PSMC1: variants seen among roughly 807,000 people sequenced by gnomAD.
PSMC1 encodes 26S proteasome regulatory subunit 4.
Under a neutral mutation model 49.8 loss-of-function variants are expected in PSMC1, and 5 were observed. The observed-to-expected ratio is 0.10, with a 90% CI of 0.05 to 0.21. The LOEUF (loss-of-function observed/expected upper bound fraction) is 0.21, where lower values mean the gene tolerates loss of function less well. PSMC1 is among the 10% of genes least tolerant of loss of function. PSMC1 has a pLI of 1.00. For synonymous variants in PSMC1, 155 were observed against 192.1 expected (o/e 0.81, Z 1.60); for missense variants, 181 against 535.7 (o/e 0.34, Z 6.54).
chr14:90,259,137 T>C, intron 1 of PSMC1, 23 bp from the exon 2 acceptor site: 2 of 1,612,860 alleles, frequency 1.2e-6, no homozygotes, highest in Non-Finnish European at 1.7e-6. Flanking sequence ...AATTTACATC[T>C]GTGCCTGATT....
chr14:90,270,588 GCTGGT>G, intron 10 of PSMC1: 2 of 432,608 alleles, frequency 4.6e-6, no homozygotes, highest in South Asian at 4.5e-5. Flanking sequence ...AGGCTGAGTC[GCTGGT>G]ACTAAGCCTT....
chr14:90,270,534 C>T (rs1239347444), intron 10 of PSMC1, 182 bp downstream of exon 10: 6 of 656,270 alleles, frequency 9.1e-6, no homozygotes, highest in African/African-American at 1.8e-5. Flanking sequence ...ATTCTTAATG[C>T]ATCATTTTAT....
At chr14:90,262,573 A>T (rs1891420731) in intron 3 of PSMC1, among the ~76,000 whole-genome samples, 2 of 152,122 alleles carry the variant, frequency 1.3e-5, no homozygotes, top group Non-Finnish European at 1.5e-5. Flanking sequence ...TCACGAGGTC[A>T]GGAGATTGGG....
rs1891450817 is a variant in PSMC1 at position 90,263,770 on chromosome 14, G to C, written c.388G>C (p.Glu130Gln). 6.2e-7 allele frequency: 1 copy of C among 1,613,718 alleles called. No individual in the cohort carries two copies. The highest frequency in any genetic ancestry group is 8.5e-7 in the Non-Finnish European group (1 of 1,179,680). ...CATCGTGTCTACATCTGTGGGCTCA[G>C]AACACTACGTCAGCATTCTTTCATT... ...HAIVSTSVGSEHYVSILSFVD... is the reference protein window; with the variant it reads ...HAIVSTSVGSQHYVSILSFVD... Residue 130 changes from glutamate to glutamine, a missense_variant, in exon 5 of 11, where the codon GAA becomes CAA. This residue lies in a region of PSMC1 where 121 missense variants were observed against 358.6 expected (regional missense o/e 0.34). Coordinates refer to ENST00000261303, the MANE Select transcript of PSMC1 (RefSeq NM_002802.3).
intron 8 of PSMC1, 198 bp downstream of exon 8, chr14:90,268,611 G>C: frequency 1.8e-6 from 1 of 558,686 alleles, no homozygotes; most frequent in Admixed American, 3.4e-5. Context: ...TGGAGAGATT[G>C]GTCAGTTATG....
chr14:90,259,343 G>A, intron 2 of PSMC1, 130 bp downstream of exon 2: 1 of 721,974 alleles, frequency 1.4e-6, no homozygotes, highest in Non-Finnish European at 2.2e-6. Context: ...AAACTAGCCT[G>A]TCCTACAGAT....
At chr14:90,267,224 G>T (rs1019914061) in intron 7 of PSMC1, among the ~76,000 whole-genome samples, 1 of 151,852 alleles carries the variant, frequency 6.6e-6, no homozygotes, top group African/African-American at 2.4e-5. Context: ...CCGCCTCCCG[G>T]GTTCAAGCGA....
intron 10 of PSMC1, chr14:90,271,466 T>C (rs1205368505): frequency 6.6e-6 from 1 of 152,190 alleles, no homozygotes; most frequent in African/African-American, 2.4e-5. Context: ...GGCCAGTAAT[T>C]ACTGAGAAAT....
chr14:90,259,340 C>T (rs569031960), intron 2 of PSMC1, 127 bp downstream of exon 2: 27 of 774,374 alleles, frequency 3.5e-5, no homozygotes, highest in Non-Finnish European at 5.4e-5. Flanking sequence ...TTTAAACTAG[C>T]CTGTCCTACA....
At chr14:90,266,220 A>G (rs1891509758) in intron 7 of PSMC1, among the ~76,000 whole-genome samples, 1 of 151,568 alleles carries the variant, frequency 6.6e-6, no homozygotes, top group Admixed American at 6.6e-5. Context: ...GTGCCACTGC[A>G]CTCCAGCCTG....
Position 90,264,075 on chromosome 14 carries a change from C to T in PSMC1, c.500C>T (p.Thr167Met), listed in dbSNP as rs368457447. 6 of 1,612,954 alleles carry T rather than the reference C, an allele frequency of 3.7e-6. No homozygotes were observed. Among genetic ancestry groups the T allele is most frequent in the Non-Finnish European group, 4.2e-6 (5 of 1,179,736 alleles). The change falls in exon 6 of 11, where the codon ACG (threonine) becomes ATG (methionine). Residue 167 changes from threonine (T) to methionine (M), a missense_variant. Thr to Met is a moderately conservative substitution (Grantham distance 81). Around this residue, in one of 3 missense-constraint regions of PSMC1, gnomAD observed 121 missense variants for 358.6 expected, o/e 0.34. Coordinates refer to ENST00000261303, the MANE Select transcript of PSMC1 (RefSeq NM_002802.3). ...GTGATAGGGGTGCTGATGGATGACA[C>T]GGATCCCCTGGTCACAGTGATGAAG... is the stretch of plus-strand genomic sequence containing the variant. The part of the protein sequence containing the change: ...HAVIGVLMDD[T>M]DPLVTVMKVE...
rs73316775 is a variant in PSMC1, at chr14:90,274,600, G to T, written c.*2193G>T. On this transcript the variant is annotated 3_prime_UTR_variant, in exon 11 of 11. Coordinates refer to ENST00000261303, the MANE Select transcript of PSMC1 (RefSeq NM_002802.3). The stretch of plus-strand genomic sequence containing the variant: ...CTGATTCCGGGGCTAGGCAGGGAAA[G>T]GACAGGATGAACCCAAAGTCTGTTT... 0.13 allele frequency: 20,074 copies of T among 152,232 alleles called. 1,534 individuals are homozygous for T. The highest frequency in any genetic ancestry group is 0.21 in the East Asian group (1,092 of 5,166). 9.4% of individuals were successfully genotyped at this position (152,232 alleles called of 1,614,324 possible).
chr14:90,261,569 G>C (rs1418458255), intron 3 of PSMC1, among the ~76,000 whole-genome samples: 1 of 152,144 alleles, frequency 6.6e-6, no homozygotes, highest in East Asian at 1.9e-4. Flanking sequence ...TTCCATCAGA[G>C]AAATGCAAAT....
chr14:90,262,102 G>T (rs964764044), intron 3 of PSMC1, among the ~76,000 whole-genome samples: 49 of 143,128 alleles, frequency 3.4e-4, no homozygotes, highest in African/African-American at 1.2e-3. Context: ...TGAACAATGA[G>T]AATACTTGGA....
Position 90,265,060 on chromosome 14 carries a change from T to C in PSMC1, c.595-10T>C. 6.3e-7 allele frequency: 1 copy of C among 1,592,586 alleles called. No homozygotes were observed. The highest frequency in any genetic ancestry group is 8.6e-7 in the Non-Finnish European group (1 of 1,162,014). On this transcript the variant is annotated splice_polypyrimidine_tract_variant and intron_variant, in intron 6 of 10. Transcript: ENST00000261303. ...TCAGTAAAGCCTTTCATTCATACTG[T>C]TTTTCATAGGAATCTGTGGAGCTTC...
chr14:90,265,933 C>T (rs1891501665), intron 7 of PSMC1, among the ~76,000 whole-genome samples: 1 of 151,928 alleles, frequency 6.6e-6, no homozygotes, highest in Admixed American at 6.6e-5. Context: ...TATGGCCAAG[C>T]CTAGGAGCCA....
intron 3 of PSMC1, among the ~76,000 whole-genome samples, chr14:90,260,517 G>A (rs557900925): frequency 6.6e-6 from 1 of 152,304 alleles, no homozygotes; most frequent in South Asian, 2.1e-4. Context: ...GGATCACAAG[G>A]TCAGGAGATT....
At chr14:90,260,026 G>A in intron 2 of PSMC1, 89 bp from the exon 3 acceptor site, 1 of 782,038 alleles carries the variant, frequency 1.3e-6, no homozygotes, top group South Asian at 2.0e-5. Flanking sequence ...TGTACCACCT[G>A]AAAATAGATG....
chr14:90,264,310 T>C (rs1402665563), intron 6 of PSMC1, 141 bp downstream of exon 6: 1 of 1,204,464 alleles, frequency 8.3e-7, no homozygotes, highest in East Asian at 2.6e-5. Flanking sequence ...TTGTGGTATT[T>C]TTGTATTTGT....
Sources: gnomAD v4.1 joint callset for allele counts (sites outside exome capture counted in the v4.1 genomes callset) on GRCh38, gnomAD v4.1.1 for gene constraint, gnomAD v4.1.1 regional missense constraint, MANE v1.5 for transcripts, NCBI Gene and HGNC (gene_info 2026-07-23, HGNC 2026-07-21) for gene names.